The following LRRC49 variants were observed in gnomAD, a reference collection of about 807,000 sequenced individuals.
The protein encoded by LRRC49 is leucine rich repeat containing 49, also known as leucine-rich repeat-containing protein 49.
A neutral mutation model predicts 83.3 loss-of-function variants in LRRC49; 50 were observed. The ratio of observed to expected loss-of-function variants is 0.60; its 90% CI spans 0.48 to 0.76. The LOEUF is 0.76. Among genes scored for constraint, LRRC49 ranks in the 30% least tolerant of loss-of-function variants. LRRC49 has a pLI of 0.00. For missense variants in LRRC49, 704 were observed against 809.1 expected, an observed-to-expected ratio of 0.87 and a Z score of 1.58; for synonymous variants, 286 against 283.3, an observed-to-expected ratio of 1.01 and a Z score of -0.10.
At chr15:70,953,112 G>T (rs1479680720) in intron 8 of LRRC49, among the ~76,000 whole-genome samples, 3 of 152,132 alleles carry the variant, frequency 2.0e-5, no homozygotes, top group African/African-American at 7.2e-5. Flanking sequence ...TTAAGTGGGG[G>T]CATTTAGTCC....
chr15:70,965,715 GA>G (rs2036771162), intron 9 of LRRC49, among the ~76,000 whole-genome samples: 1 of 151,968 alleles, frequency 6.6e-6, no homozygotes, highest in Non-Finnish European at 1.5e-5. Context: ...TCTCTTTATT[GA>G]GGATGCTTAC....
rs1303076243 is a variant in LRRC49, at chr15:71,051,560, G to A, written c.*1948G>A. On this transcript the variant is annotated 3_prime_UTR_variant, in exon 16 of 16. Coordinates refer to ENST00000260382, the MANE Select transcript of LRRC49 (RefSeq NM_017691.5). ...TTGTCTGTGGGATTCTGGCAGATTG[G>A]AAAGATGTAAGAACTTGTGACTCTT... is the stretch of plus-strand genomic sequence containing the variant. 1 of 152,274 alleles carries A rather than the reference G, an allele frequency of 6.6e-6. No homozygotes were observed. Among genetic ancestry groups the A allele is most frequent in the Non-Finnish European group, 1.5e-5 (1 of 68,092 alleles). The allele number at this position is 152,274 out of a possible 1,614,324, so 9.4% of individuals were successfully genotyped here.
At chr15:70,984,634 CTATTAT>C (rs1349029021) in intron 11 of LRRC49, 2 of 154,650 alleles carry the variant, frequency 1.3e-5, no homozygotes, top group African/African-American at 2.4e-5. Flanking sequence ...ATTATTATTA[CTATTAT>C]TATTATACTT....
intron 14 of LRRC49, among the ~76,000 whole-genome samples, chr15:71,027,295 G>C (rs978246393): frequency 6.6e-6 from 1 of 152,098 alleles, no homozygotes; most frequent in Non-Finnish European, 1.5e-5. Flanking sequence ...CTGTTCCATT[G>C]GTCTATATGT....
intron 2 of LRRC49, among the ~76,000 whole-genome samples, chr15:70,875,928 A>G (rs1228118052): frequency 6.6e-6 from 1 of 152,210 alleles, no homozygotes; most frequent in Non-Finnish European, 1.5e-5. Context: ...GCAAGGAGCA[A>G]GTGCTAGACA....
At chr15:70,872,429 G>A (rs1238097543) in intron 1 of LRRC49, among the ~76,000 whole-genome samples, 1 of 151,802 alleles carries the variant, frequency 6.6e-6, no homozygotes, top group Non-Finnish European at 1.5e-5. Flanking sequence ...AGGAGGAGGG[G>A]GAGGGCGAGG....
intron 11 of LRRC49, among the ~76,000 whole-genome samples, chr15:70,998,812 T>C (rs1596121053): frequency 6.6e-6 from 1 of 152,128 alleles, no homozygotes; most frequent in Non-Finnish European, 1.5e-5. Flanking sequence ...GAAACTCCCA[T>C]TATGTTTATA....
intron 8 of LRRC49, 107 bp downstream of exon 8, chr15:70,936,929 A>T: frequency 7.2e-6 from 5 of 697,978 alleles, no homozygotes; most frequent in African/African-American, 3.6e-5. Flanking sequence ...AGCATGGAAG[A>T]TTTTAAATTA....
At chr15:70,957,654 A>G (rs923096389) in intron 8 of LRRC49, among the ~76,000 whole-genome samples, 1 of 152,048 alleles carries the variant, frequency 6.6e-6, no homozygotes, top group Admixed American at 6.5e-5. Flanking sequence ...GTTTAATTCT[A>G]TTGAGTTAGG....
At chr15:70,999,193 G>A (rs2038176180) in intron 11 of LRRC49, among the ~76,000 whole-genome samples, 1 of 152,056 alleles carries the variant, frequency 6.6e-6, no homozygotes, top group Non-Finnish European at 1.5e-5. Flanking sequence ...GTTCATTTCT[G>A]TTTTTCCTGT....
intron 14 of LRRC49, 71 bp downstream of exon 14, chr15:71,012,984 C>G: frequency 2.2e-6 from 2 of 926,426 alleles, no homozygotes; most frequent in Non-Finnish European, 3.4e-6. Context: ...TTCCACATAC[C>G]TCCTAACTAT....
intron 7 of LRRC49, among the ~76,000 whole-genome samples, chr15:70,922,824 A>T (rs997256686): frequency 6.6e-6 from 1 of 152,090 alleles, no homozygotes; most frequent in African/African-American, 2.4e-5. Flanking sequence ...ATTTAAAATT[A>T]ATAAAAAATT....
Position 70,853,983 on chromosome 15 carries a change from C to T in LRRC49, c.-299+514C>T, listed in dbSNP as rs1341689432. 15 of 1,464,028 alleles carry T rather than the reference C, an allele frequency of 1.0e-5. No homozygotes were observed. The Middle Eastern group carries it at 5.6e-4, about 54-fold the overall frequency. The allele number at this position is 1,464,028 out of a possible 1,614,324, so 90.7% of individuals were successfully genotyped here. A position where few individuals can be genotyped will look rare whatever the true frequency, so the allele number is the denominator to read the frequency against. On this transcript the variant is annotated intron_variant, in intron 1 of 16. Transcript: ENST00000544974. ...CCGGCGCCCCGAGTCTCCGCCCCCT[C>T]CTCCTCGTCCTCCAACTCGTCCACG...
chr15:70,912,367 A>G (rs1398864385), intron 6 of LRRC49, among the ~76,000 whole-genome samples: 1 of 152,160 alleles, frequency 6.6e-6, no homozygotes, highest in Non-Finnish European at 1.5e-5. Context: ...TAGAGTATAT[A>G]GGAGTGAAAC....
chr15:70,957,394 G>T (rs1237484231), intron 8 of LRRC49, among the ~76,000 whole-genome samples: 1 of 151,998 alleles, frequency 6.6e-6, no homozygotes, highest in Non-Finnish European at 1.5e-5. Context: ...TGCCTAATTA[G>T]TAATATATAG....
chr15:70,870,342 C>T (rs1479996610), intron 1 of LRRC49, among the ~76,000 whole-genome samples: 2 of 151,984 alleles, frequency 1.3e-5, no homozygotes, highest in South Asian at 2.1e-4. Flanking sequence ...CTGTGGTTTA[C>T]CATTTTTAGA....
chr15:70,862,075 A>G (rs562469529), intron 1 of LRRC49, among the ~76,000 whole-genome samples: 68 of 152,350 alleles, frequency 4.5e-4, no homozygotes, highest in South Asian at 2.3e-3. Context: ...GGGAAAACCT[A>G]AAGAATTTAC....
chr15:70,988,128 G>T (rs564469502), intron 11 of LRRC49, among the ~76,000 whole-genome samples: 251 of 137,760 alleles, frequency 1.8e-3, no homozygotes, highest in Admixed American at 5.3e-3. Context: ...TTGGGGTGGA[G>T]AGTTCTGTAG....
In LRRC49 at chr15:71,037,047, A is replaced by C. The variant is rs1014412910; in HGVS notation, c.1704-132A>C. 6 of 568,674 alleles carry C rather than the reference A, an allele frequency of 1.1e-5. No homozygotes were observed. The Admixed American group carries it at 1.4e-4, about 14-fold the overall frequency. 35.2% of individuals were successfully genotyped at this position (568,674 alleles called of 1,614,324 possible). On this transcript the variant is annotated intron_variant, in intron 14 of 15. Transcript: ENST00000260382. The stretch of plus-strand genomic sequence containing the variant: ...TGGGGTACCAGACTGAACTCAAATA[A>C]ATCATAAACTCAAACTCATTAAAAT...
Sources: allele counts gnomAD v4.1 joint callset (sites outside exome capture counted in the v4.1 genomes callset), GRCh38; gene constraint gnomAD v4.1.1; transcripts MANE v1.5; gene names NCBI Gene and HGNC (gene_info 2026-07-23, HGNC 2026-07-21).